Variants in ANO6 observed in about 807,000 individuals in gnomAD.
The protein encoded by ANO6 is anoctamin 6.
ANO6 carries 106 observed loss-of-function variants against 117.5 expected under a neutral mutation model. That is an observed-to-expected ratio of 0.90 (90% CI 0.77 to 1.06). ANO6 has a LOEUF of 1.06. Ranked by LOEUF, ANO6 falls within the 50% of genes least tolerant of loss-of-function variation. The pLI is 0.00. For synonymous variants in ANO6, 367 were observed against 385.1 expected, an observed-to-expected ratio of 0.95 and a Z score of 0.55; for missense variants, 955 against 1,121.1, an observed-to-expected ratio of 0.85 and a Z score of 2.12.
intron 12 of ANO6, among the ~76,000 whole-genome samples, chr12:45,390,887 C>G (rs1942430948): frequency 6.6e-6 from 1 of 152,114 alleles, no homozygotes; most frequent in African/African-American, 2.4e-5. Context: ...CTTGGGAGGC[C>G]AAGGTGGGTG....
chr12:45,342,307 TAGCTGATAC>T (rs1383568490), intron 3 of ANO6, among the ~76,000 whole-genome samples: 2 of 152,236 alleles, frequency 1.3e-5, no homozygotes, highest in East Asian at 1.9e-4. Context: ...GTTGCATTCA[TAGCTGATAC>T]AGCTGATACA....
At chr12:45,372,209 T>G (rs1941862524) in intron 9 of ANO6, among the ~76,000 whole-genome samples, 1 of 150,666 alleles carries the variant, frequency 6.6e-6, no homozygotes, top group Non-Finnish European at 1.5e-5. Context: ...TATGGGACTA[T>G]GTGAAAAGAC....
chr12:45,377,838 T>TTAA (rs879820052), intron 9 of ANO6, among the ~76,000 whole-genome samples: 1 of 152,218 alleles, frequency 6.6e-6, no homozygotes, highest in Non-Finnish European at 1.5e-5. Context: ...AATACACTGG[T>TTAA]TAATACAGCA....
chr12:45,373,796 A>G (rs1381587633), intron 9 of ANO6, among the ~76,000 whole-genome samples: 2 of 152,342 alleles, frequency 1.3e-5, no homozygotes, highest in Middle Eastern at 6.8e-3. Flanking sequence ...ATCACAATTA[A>G]AAGAACTGGA....
chr12:45,244,446 A>AG (rs1947794575), intron 1 of ANO6, among the ~76,000 whole-genome samples: 1 of 145,108 alleles, frequency 6.9e-6, no homozygotes, highest in Non-Finnish European at 1.5e-5. Context: ...GTGGGCCTGG[A>AG]GGAGGAGTAT....
At chr12:45,437,325 T>C (rs1334347631), downstream of ANO6, among the ~76,000 whole-genome samples, 9 of 152,242 alleles carry the variant, frequency 5.9e-5, no homozygotes, top group Non-Finnish European at 8.8e-5. Context: ...TATGAGCATC[T>C]AGCCGCTTGC....
At chr12:45,394,859 A>G (rs1358306243) in intron 12 of ANO6, among the ~76,000 whole-genome samples, 2 of 152,228 alleles carry the variant, frequency 1.3e-5, no homozygotes, top group Non-Finnish European at 2.9e-5. Context: ...GTAGAGGGAA[A>G]TTTATAGCAC....
chr12:45,242,842 A>G (rs1376496898), intron 1 of ANO6, among the ~76,000 whole-genome samples: 1 of 152,174 alleles, frequency 6.6e-6, no homozygotes, highest in Non-Finnish European at 1.5e-5. Context: ...TTTTTCACAT[A>G]CCTTTGGGTA....
At chr12:45,401,549 A>AC (rs1404440271) in intron 12 of ANO6, among the ~76,000 whole-genome samples, 1 of 151,046 alleles carries the variant, frequency 6.6e-6, no homozygotes, top group Non-Finnish European at 1.5e-5. Flanking sequence ...CCTTCCCACC[A>AC]CCCCCTGCAC....
At chr12:45,341,710 C>T (rs1463621264) in intron 3 of ANO6, among the ~76,000 whole-genome samples, 1 of 152,122 alleles carries the variant, frequency 6.6e-6, no homozygotes, top group Non-Finnish European at 1.5e-5. Flanking sequence ...TGTAAAATGA[C>T]GTACTGGTGT....
Position 45,216,394 on chromosome 12 carries a change from G to A in ANO6, c.70+3G>A. 1.2e-6 allele frequency: 2 copies of A among 1,611,130 alleles called. No homozygotes were observed. The highest frequency in any genetic ancestry group is 1.1e-5 in the South Asian group (1 of 90,684). The stretch of plus-strand genomic sequence containing the variant: ...GGACGACGACGATGGGGATATCGGT[G>A]AGCGAGGGGTCCCCGCGTCCCCACC... On this transcript the variant is annotated splice_donor_region_variant and intron_variant, in intron 1 of 19. Transcript: ENST00000320560.
chr12:45,296,570 G>A (rs1939301644), intron 1 of ANO6, among the ~76,000 whole-genome samples: 1 of 150,924 alleles, frequency 6.6e-6, no homozygotes, highest in Non-Finnish European at 1.5e-5. Context: ...ATCTCTATCT[G>A]GCTATATTGA....
chr12:45,225,769 GT>G (rs1277499987), intron 1 of ANO6, among the ~76,000 whole-genome samples: 1 of 152,122 alleles, frequency 6.6e-6, no homozygotes, highest in African/African-American at 2.4e-5. Context: ...GATTACAGGC[GT>G]GAGACATTTT....
intron 2 of ANO6, among the ~76,000 whole-genome samples, chr12:45,312,201 T>C (rs190737875): frequency 2.0e-5 from 3 of 152,170 alleles, no homozygotes; most frequent in African/African-American, 2.4e-5. Context: ...GTGATATCAG[T>C]ATTTACCATG....
intron 1 of ANO6, chr12:45,228,058 T>C (rs1947512531): frequency 3.7e-6 from 1 of 272,796 alleles, no homozygotes; most frequent in African/African-American, 2.3e-5. Context: ...GGCTCATGAA[T>C]GTAGGGATTA....
intron 1 of ANO6, among the ~76,000 whole-genome samples, chr12:45,241,284 C>T (rs975228237): frequency 6.6e-6 from 1 of 152,138 alleles, no homozygotes; most frequent in Admixed American, 6.5e-5. Flanking sequence ...TGTCTTCTTG[C>T]TTTATTTCAT....
At chr12:45,365,630 C>T (rs966902738) in intron 8 of ANO6, among the ~76,000 whole-genome samples, 1 of 152,266 alleles carries the variant, frequency 6.6e-6, no homozygotes, top group East Asian at 1.9e-4. Flanking sequence ...ACTACTTCTT[C>T]CCCCTTCAGT....
chr12:45,306,923 G>A (rs1430126147), intron 2 of ANO6, among the ~76,000 whole-genome samples: 1 of 152,098 alleles, frequency 6.6e-6, no homozygotes, highest in Non-Finnish European at 1.5e-5. Context: ...TGCTGCTGGA[G>A]CAAGTTCTTT....
At chr12:45,291,059 A>G (rs1279378510) in intron 1 of ANO6, among the ~76,000 whole-genome samples, 3 of 152,220 alleles carry the variant, frequency 2.0e-5, no homozygotes, top group Admixed American at 6.5e-5. Flanking sequence ...CTCTTCAACA[A>G]ATGGTGCTGC....
Sources: allele counts gnomAD v4.1 joint callset (sites outside exome capture counted in the v4.1 genomes callset), GRCh38; gene constraint gnomAD v4.1.1; transcripts MANE v1.5; gene names NCBI Gene and HGNC (gene_info 2026-07-23, HGNC 2026-07-21).